Variants in PNPLA7 observed in about 807,000 individuals in gnomAD.
PNPLA7 encodes patatin-like phospholipase domain-containing protein 7.
In PNPLA7, 153 loss-of-function variants were observed where a neutral mutation model predicts 161.7. The ratio of observed to expected loss-of-function variants is 0.95; its 90% CI spans 0.83 to 1.08. The LOEUF (loss-of-function observed/expected upper bound fraction) is 1.08, where lower values mean the gene tolerates loss of function less well. Ranked by LOEUF, PNPLA7 falls within the 50% of genes least tolerant of loss-of-function variation. The pLI, the probability that PNPLA7 is intolerant of heterozygous loss-of-function variation, is 0.00. For missense variants in PNPLA7, 1,739 were observed against 1,856.6 expected (o/e 0.94, Z 1.16); for synonymous variants, 809 against 782.1 (o/e 1.03, Z -0.57).
rs376544951 is a variant in PNPLA7, at chr9:137,462,169, C to T, written c.3645+10G>A. On this transcript the variant is annotated intron_variant, in intron 31 of 34. Coordinates refer to ENST00000406427, the MANE Select transcript of PNPLA7 (RefSeq NM_001098537.3). Reference sequence around the variant, plus strand: ...GCCCGCCTCCGCCGCCGCGGGTGGCCGGCACTCACGCAGATCTCGTTGAAC... The same window carrying T: ...GCCCGCCTCCGCCGCCGCGGGTGGCTGGCACTCACGCAGATCTCGTTGAAC... The T allele has an allele frequency of 1.7e-5, 26 of 1,556,268 alleles. No homozygotes were observed. The African/African-American group carries it at 1.8e-4, about 11-fold the overall frequency.
chr9:137,520,130 G>A lies in PNPLA7; in HGVS notation c.958-87C>T. The stretch of plus-strand genomic sequence containing the variant: ...TGGGCTCCTCAAAGGTGTGACAGGT[G>A]TGGGCTCCTCAAAGGTGTGACAGGT... On this transcript the variant is annotated intron_variant, in intron 10 of 34. Transcript: ENST00000406427. The surrounding 1 kb of genome is among the most constrained non-coding windows in gnomAD (Gnocchi z 5.2). 6.4e-7 allele frequency: 1 copy of A among 1,566,384 alleles called. No homozygotes were observed. The highest frequency in any genetic ancestry group is 8.6e-7 in the Non-Finnish European group (1 of 1,158,778).
rs946581369 is a variant in PNPLA7, at chr9:137,506,173, C to T, written c.1226-90G>A. 11 of 1,052,514 alleles carry T rather than the reference C, an allele frequency of 1.0e-5. No homozygotes were observed. In the Admixed American group the frequency reaches 2.3e-4, roughly 22 times the overall value. 65.2% of individuals were successfully genotyped at this position (1,052,514 alleles called of 1,614,324 possible). A position where few individuals can be genotyped will look rare whatever the true frequency, so the allele number is the denominator to read the frequency against. On this transcript the variant is annotated intron_variant, in intron 12 of 34. Coordinates refer to ENST00000406427, the MANE Select transcript of PNPLA7 (RefSeq NM_001098537.3). ...GGGCTGAGCACACCCTGCAGTCTAA[C>T]CACACAGACCCCGGCAGCTCCCTCG...
At chr9:137,511,012 G>A (rs1191495998) in intron 12 of PNPLA7, among the ~76,000 whole-genome samples, 1 of 152,258 alleles carries the variant, frequency 6.6e-6, no homozygotes. Flanking sequence ...AGGCCACACA[G>A]AGTTAGGAGC....
chr9:137,517,916 G>A (rs1312812148), intron 11 of PNPLA7, among the ~76,000 whole-genome samples: 23 of 24,052 alleles, frequency 9.6e-4, no homozygotes, highest in Non-Finnish European at 7.6e-4. Flanking sequence ...TCCATCCCCC[G>A]TCACTCACTC....
intron 12 of PNPLA7, among the ~76,000 whole-genome samples, chr9:137,513,316 C>A (rs1265655247): frequency 2.0e-5 from 3 of 151,944 alleles, no homozygotes; most frequent in African/African-American, 7.3e-5. Context: ...CATGGGGAAA[C>A]CCCGTCTCTA....
In PNPLA7 at chr9:137,542,625, G is replaced by A. The variant is rs989529838; in HGVS notation, c.666+17C>T. ...ATGCGCAGCCGCCTGACCCCGCCCC[G>A]CCGCCCTGCGACTCACAGTGTCCTG... On this transcript the variant is annotated intron_variant, in intron 7 of 34. Transcript: ENST00000406427. 5.1e-6 allele frequency: 8 copies of A among 1,569,872 alleles called. No homozygotes were observed. The highest frequency in any genetic ancestry group is 3.4e-5 in the South Asian group (3 of 88,124).
chr9:137,471,194 A>C (rs1315349075), intron 25 of PNPLA7, among the ~76,000 whole-genome samples: 1 of 152,276 alleles, frequency 6.6e-6, no homozygotes, highest in African/African-American at 2.4e-5. Context: ...AATCTACAAC[A>C]AAGCTACAAG....
intron 24 of PNPLA7, chr9:137,478,534 G>A (rs756088556): frequency 5.3e-6 from 1 of 189,658 alleles, no homozygotes. Flanking sequence ...TGTGGGCTGG[G>A]GGCCGTGAGC....
At chr9:137,546,781 G>T (rs150254731) in intron 4 of PNPLA7, 49 bp downstream of exon 4, 2 of 1,570,968 alleles carry the variant, frequency 1.3e-6, no homozygotes, top group South Asian at 1.1e-5. Context: ...TCCCACAGGG[G>T]CCTGCTCGAG....
rs1833272936 is a variant in PNPLA7 at position 137,499,682 on chromosome 9, G to C, written c.1757+1009C>G. Among the ~76,000 whole-genome samples the C allele has an allele frequency of 6.6e-6, 1 of 152,238 alleles. No homozygotes were observed. The highest frequency in any genetic ancestry group is 1.5e-5 in the Non-Finnish European group (1 of 68,032). ...AGAAAGCCCTTCCCAACTGGGCCAG[G>C]GCCCCGCTGCCCCCACCCCTGCCCC... On this transcript the variant is annotated intron_variant, in intron 16 of 34. Coordinates refer to ENST00000406427, the MANE Select transcript of PNPLA7 (RefSeq NM_001098537.3). The surrounding 1 kb of genome is among the most constrained non-coding windows in gnomAD (Gnocchi z 5.5).
intron 21 of PNPLA7, among the ~76,000 whole-genome samples, chr9:137,483,718 A>G (rs368203729): frequency 4.6e-5 from 7 of 152,172 alleles, no homozygotes; most frequent in African/African-American, 1.7e-4. Flanking sequence ...CGGCCTCCCA[A>G]AGTGCTGGGA....
At position 137,550,351 on chromosome 9, in the gene PNPLA7, A is replaced by G. The variant is rs1836784169; in HGVS notation, c.-154T>C. Reference sequence around the variant, plus strand: ...TCACTGAAAGGAAAATCCTGCTGAAAAAGTCTGTTCTCCAGGAAGAAAAGC... The same window carrying G: ...TCACTGAAAGGAAAATCCTGCTGAAGAAGTCTGTTCTCCAGGAAGAAAAGC... On this transcript the variant is annotated 5_prime_UTR_variant, in exon 1 of 35. Coordinates refer to ENST00000406427, the MANE Select transcript of PNPLA7 (RefSeq NM_001098537.3). 2.4e-6 allele frequency: 2 copies of G among 824,514 alleles called. No individual in the cohort carries two copies. The highest frequency in any genetic ancestry group is 2.0e-6 in the Non-Finnish European group (1 of 495,834). 51.1% of individuals were successfully genotyped at this position (824,514 alleles called of 1,614,324 possible).
rs992015921 is a variant in PNPLA7 at position 137,523,319 on chromosome 9, C to T, written c.748-462G>A. Among the ~76,000 whole-genome samples the T allele has an allele frequency of 2.0e-5, 3 of 152,084 alleles. No individual in the cohort carries two copies. Among genetic ancestry groups the T allele is most frequent in the Admixed American group, 6.5e-5 (1 of 15,288 alleles). On this transcript the variant is annotated intron_variant, in intron 8 of 34. Transcript: ENST00000406427. This position sits in a 1 kb window ranked among gnomAD's most constrained non-coding sequence, Gnocchi z 4.4. ...AGCCACCACTGTCAAATGCCCACCG[C>T]CACAGTGGGGTCACCGCCTAGGACA...
At chr9:137,501,034 T>A in intron 15 of PNPLA7, 138 bp from the exon 16 acceptor site, 1 of 685,954 alleles carries the variant, frequency 1.5e-6, no homozygotes, top group Non-Finnish European at 2.4e-6. Flanking sequence ...GGCATGGACT[T>A]CACTGGAAAC....
chr9:137,540,778 C>T lies in PNPLA7; in HGVS notation c.667-56G>A, dbSNP rs1227711831. ...AGGTCTGGGGCTGCGACCGCGGGGC[C>T]TGGCGGAGGCTCAGCCCAGCCCAGG... On this transcript the variant is annotated intron_variant, in intron 7 of 34. Coordinates refer to ENST00000406427, the MANE Select transcript of PNPLA7 (RefSeq NM_001098537.3). The surrounding 1 kb of genome is among the most constrained non-coding windows in gnomAD (Gnocchi z 5.1). 1.3e-6 allele frequency: 2 copies of T among 1,511,176 alleles called. No homozygotes were observed. The highest frequency in any genetic ancestry group is 4.8e-5 in the East Asian group (2 of 41,802). 93.6% of individuals were successfully genotyped at this position (1,511,176 alleles called of 1,614,324 possible). A position where few individuals can be genotyped will look rare whatever the true frequency, so the allele number is the denominator to read the frequency against.
chr9:137,500,776 C>T lies in PNPLA7; in HGVS notation c.1672G>A (p.Val558Met), dbSNP rs554785599. The T allele has an allele frequency of 2.5e-5, 40 of 1,612,042 alleles. No individual in the cohort carries two copies. The highest frequency in any genetic ancestry group is 1.3e-4 in the Admixed American group (8 of 59,976). The change falls in exon 16 of 35, where the codon GTG (valine) becomes ATG (methionine). Residue 558 changes from valine to methionine, a missense_variant. This residue lies in a region of PNPLA7 where 481 missense variants were observed against 450.0 expected (regional missense o/e 1.07). Coordinates refer to ENST00000406427, the MANE Select transcript of PNPLA7 (RefSeq NM_001098537.3). The surrounding 1 kb of genome is among the most constrained non-coding windows in gnomAD (Gnocchi z 5.5). Reference sequence around the variant, plus strand: ...AAGATGAGAGGCTCCCCGGTGAGCACGGCCAGCTGGCCCACCATCTCCCCG... The same window carrying T: ...AAGATGAGAGGCTCCCCGGTGAGCATGGCCAGCTGGCCCACCATCTCCCCG... ...RPGEMVGQLA[V>M]LTGEPLIFTV...
intron 14 of PNPLA7, among the ~76,000 whole-genome samples, chr9:137,503,163 C>T (rs1033825499): frequency 6.6e-6 from 1 of 152,004 alleles, no homozygotes; most frequent in African/African-American, 2.4e-5. Context: ...AGGTAGATCA[C>T]TAGAGGCTAG....
At chr9:137,474,081 A>G (rs1385958189) in intron 25 of PNPLA7, among the ~76,000 whole-genome samples, 1 of 152,168 alleles carries the variant, frequency 6.6e-6, no homozygotes, top group Non-Finnish European at 1.5e-5. Flanking sequence ...TCTATTAAAA[A>G]TACAAAAATT....
chr9:137,527,125 G>C (rs549279069), intron 8 of PNPLA7, among the ~76,000 whole-genome samples: 1 of 152,136 alleles, frequency 6.6e-6, no homozygotes, highest in South Asian at 2.1e-4. Context: ...AAATTAGCCG[G>C]GTGTGGTGGC....
Sources: gnomAD v4.1 joint callset for allele counts (sites outside exome capture counted in the v4.1 genomes callset) on GRCh38, gnomAD v4.1.1 for gene constraint, gnomAD v4.1.1 regional missense constraint, Gnocchi (gnomAD v3.1) non-coding constraint, MANE v1.5 for transcripts, NCBI Gene and HGNC (gene_info 2026-07-23, HGNC 2026-07-21) for gene names.